The following CCND3 variants were observed in gnomAD, a reference collection of about 807,000 sequenced individuals.
The protein encoded by CCND3 is cyclin D3.
In CCND3, 9 loss-of-function variants were observed where a neutral mutation model predicts 28.7. The observed-to-expected ratio is 0.31, with a 90% CI of 0.19 to 0.55. The LOEUF (loss-of-function observed/expected upper bound fraction) is 0.55, where lower values mean the gene tolerates loss of function less well. Ranked by LOEUF, CCND3 falls within the 20% of genes least tolerant of loss-of-function variation. CCND3 has a pLI of 0.93. For missense variants in CCND3, 315 were observed against 385.8 expected (o/e 0.82, Z 1.54); for synonymous variants, 164 against 163.9 (o/e 1.00, Z 0.00).
intron 1 of CCND3, chr6:42,010,822 T>G (rs1412624591): frequency 6.6e-6 from 1 of 152,216 alleles, no homozygotes. Context: ...TCCGGGTGGT[T>G]AAGCCCTACA....
At chr6:41,976,634 C>T (rs776622354) in intron 1 of CCND3, among the ~76,000 whole-genome samples, 2 of 152,058 alleles carry the variant, frequency 1.3e-5, no homozygotes, top group Non-Finnish European at 2.9e-5. Context: ...CAGAGGAAGA[C>T]CCCCATCACT....
rs763060055 is a variant in CCND3, at chr6:42,033,306, C to T, written c.-46+15195G>A. ...CTCTCTACAAAAACACAAAGTTAGC[C>T]GAGTGTGATGGCGCACACCTGTAAT... On this transcript the variant is annotated intron_variant, in intron 1 of 4. Coordinates refer to the CCND3 transcript ENST00000372988. 2.0e-5 allele frequency among the ~76,000 whole-genome samples: 3 copies of T among 151,254 alleles called. No individual in the cohort carries two copies. In the East Asian group the frequency reaches 5.9e-4, roughly 30 times the overall value.
intron 1 of CCND3, among the ~76,000 whole-genome samples, chr6:41,969,916 G>A (rs1761988689): frequency 6.6e-6 from 1 of 151,434 alleles, no homozygotes; most frequent in South Asian, 2.1e-4. Context: ...GCTCTAAAAT[G>A]GAATGGTGAG....
intron 1 of CCND3, among the ~76,000 whole-genome samples, chr6:41,978,342 A>C (rs558196052): frequency 6.8e-6 from 1 of 147,496 alleles, no homozygotes; most frequent in East Asian, 2.0e-4. Flanking sequence ...ACTGCATTCC[A>C]GCCTGGGCAA....
At position 41,936,984 on chromosome 6, in the gene CCND3, C is replaced by T; in HGVS notation, c.574+251G>A. On this transcript the variant is annotated intron_variant, in intron 3 of 4. Coordinates refer to ENST00000372991, the MANE Select transcript of CCND3 (RefSeq NM_001760.5). This position sits in a 1 kb window ranked among gnomAD's most constrained non-coding sequence, Gnocchi z 4.4. ...CAAGAGACTGGGGTTCTGTTCCCAA[C>T]CTGTTCACTGTGAGACCTTGGGCAA... The T allele has an allele frequency of 1.7e-6, 1 of 598,762 alleles. No homozygotes were observed. The highest frequency in any genetic ancestry group is 2.0e-5 in the South Asian group (1 of 49,320). The allele number at this position is 598,762 out of a possible 1,614,324, so 37.1% of individuals were successfully genotyped here.
At chr6:41,984,050 G>T (rs1294929723) in intron 1 of CCND3, among the ~76,000 whole-genome samples, 2 of 152,038 alleles carry the variant, frequency 1.3e-5, no homozygotes, top group Admixed American at 1.3e-4. Context: ...ATGAAATATT[G>T]ATTTTTCTGT....
chr6:41,936,526 G>A lies in CCND3; in HGVS notation c.711+33C>T. The A allele has an allele frequency of 6.2e-7, 1 of 1,611,908 alleles. No individual in the cohort carries two copies. ...CAGGGCATAGCACTACTTTATGAAT[G>A]GAGAGGCTGCTGCCCAGCTACCCAG... On this transcript the variant is annotated intron_variant, in intron 4 of 4. Transcript: ENST00000372991. This position sits in a 1 kb window ranked among gnomAD's most constrained non-coding sequence, Gnocchi z 4.4.
chr6:41,988,085 G>A (rs778645351), intron 1 of CCND3, among the ~76,000 whole-genome samples: 14 of 151,880 alleles, frequency 9.2e-5, no homozygotes, highest in Non-Finnish European at 1.6e-4. Context: ...AGAGGCCAAG[G>A]CAGGCGGATC....
chr6:41,971,550 C>CT (rs550645229), intron 1 of CCND3, among the ~76,000 whole-genome samples: 2,898 of 147,744 alleles, frequency 0.02, 45 homozygotes, highest in African/African-American at 0.038. Flanking sequence ...AACCCAGGTT[C>CT]TTTTTTTTTT....
chr6:41,950,695 A>G (rs930169752), intron 1 of CCND3, among the ~76,000 whole-genome samples: 2 of 150,744 alleles, frequency 1.3e-5, no homozygotes, highest in Non-Finnish European at 3.0e-5. Context: ...AGAGATGAGA[A>G]GACTCCCTTT....
At chr6:42,047,402 A>T (rs927084728) in intron 1 of CCND3, among the ~76,000 whole-genome samples, 8 of 152,224 alleles carry the variant, frequency 5.3e-5, no homozygotes, top group African/African-American at 1.9e-4. Context: ...GAACGGCCAG[A>T]AGAATCTGTG....
At chr6:41,969,043 G>A (rs886627029) in intron 1 of CCND3, among the ~76,000 whole-genome samples, 28 of 152,066 alleles carry the variant, frequency 1.8e-4, no homozygotes, top group Non-Finnish European at 2.6e-4. Flanking sequence ...TGATCTGCCC[G>A]CCTCGGCCCC....
chr6:41,961,547 A>T (rs1658056645), intron 1 of CCND3, among the ~76,000 whole-genome samples: 1 of 152,098 alleles, frequency 6.6e-6, no homozygotes, highest in African/African-American at 2.4e-5. Context: ...AGCCTGGGTG[A>T]CAGAGTGAGA....
intron 1 of CCND3, among the ~76,000 whole-genome samples, chr6:41,951,558 ACACACACACAC>A (rs1776313351): frequency 2.6e-5 from 2 of 77,776 alleles, no homozygotes; most frequent in African/African-American, 8.9e-5. Context: ...ACACACACAC[ACACACACACAC>A]ACACACAAAA....
chr6:42,005,840 T>C (rs923089696), intron 1 of CCND3, among the ~76,000 whole-genome samples: 6 of 151,924 alleles, frequency 3.9e-5, no homozygotes, highest in African/African-American at 1.5e-4. Context: ...CCCGCCACCA[T>C]GCCTGGCTAA....
At chr6:42,002,554 T>C (rs1582150619) in intron 1 of CCND3, among the ~76,000 whole-genome samples, 1 of 151,880 alleles carries the variant, frequency 6.6e-6, no homozygotes, top group African/African-American at 2.4e-5. Context: ...CTTAAGTGCA[T>C]GTATTAGAAA....
In CCND3 at chr6:41,941,261, A is replaced by C; in HGVS notation, c.198+191T>G. On this transcript the variant is annotated intron_variant, in intron 1 of 4. Transcript: ENST00000372991. This position sits in a 1 kb window ranked among gnomAD's most constrained non-coding sequence, Gnocchi z 6.1. ...CAAGTGACTGGCAGTCACTGTCGGG[A>C]GGAGCCGATTAGGGCTCGGGAAAGC... 7.0e-7 allele frequency: 1 copy of C among 1,435,932 alleles called. No individual in the cohort carries two copies. Among genetic ancestry groups the C allele is most frequent in the Non-Finnish European group, 9.1e-7 (1 of 1,098,776 alleles). 88.9% of individuals were successfully genotyped at this position (1,435,932 alleles called of 1,614,324 possible).
intron 1 of CCND3, among the ~76,000 whole-genome samples, chr6:42,015,936 T>G (rs1763493957): frequency 6.6e-6 from 1 of 151,308 alleles, no homozygotes; most frequent in Non-Finnish European, 1.5e-5. Flanking sequence ...TATTTATTTT[T>G]TATTTATTTA....
chr6:41,964,421 AAT>A (rs1761808096), intron 1 of CCND3, among the ~76,000 whole-genome samples: 6 of 133,762 alleles, frequency 4.5e-5, no homozygotes, highest in African/African-American at 1.7e-4. Context: ...TCTGTGTGTG[AAT>A]GTGTTTGTGT....
Sources: gnomAD v4.1 joint callset for allele counts (sites outside exome capture counted in the v4.1 genomes callset) on GRCh38, gnomAD v4.1.1 for gene constraint, Gnocchi (gnomAD v3.1) non-coding constraint, MANE v1.5 for transcripts, NCBI Gene and HGNC (gene_info 2026-07-23, HGNC 2026-07-21) for gene names.